The following STS variants were observed in gnomAD, a reference collection of about 807,000 sequenced individuals.
STS encodes steroid sulfatase, also known as steryl-sulfatase.
A neutral mutation model predicts 26.8 loss-of-function variants in STS; 7 were observed. The ratio of observed to expected loss-of-function variants is 0.26; its 90% CI spans 0.15 to 0.49. The LOEUF is 0.49. STS is among the 20% of genes least tolerant of loss of function. The pLI is 0.98. For missense variants in STS, 434 were observed against 465.6 expected (o/e 0.93, Z 0.63); for synonymous variants, 199 against 189.4 (o/e 1.05, Z -0.42).
At chrX:7,166,598 G>A (rs1470939772) in intron 1 of STS, among the ~76,000 whole-genome samples, 1 of 111,997 alleles carries the variant, frequency 8.9e-6, no homozygotes, top group Non-Finnish European at 1.9e-5. Flanking sequence ...ACTTCCAATT[G>A]CAAATTAGCT....
intron 2 of STS, among the ~76,000 whole-genome samples, chrX:7,215,087 G>A (rs922783635): frequency 5.3e-5 from 4 of 75,185 alleles, no homozygotes; most frequent in Non-Finnish European, 7.3e-5. Context: ...ATATGTATAC[G>A]TATATATGTG....
At chrX:7,241,961 TTC>T (rs1423250888) in intron 2 of STS, among the ~76,000 whole-genome samples, 1 of 111,288 alleles carries the variant, frequency 9.0e-6, no homozygotes, top group Non-Finnish European at 1.9e-5. Flanking sequence ...GGCTGGACAC[TTC>T]TCTCTTTTTC....
rs1441394121 is a variant in STS, at chrX:7,255,335, A to C, written c.138-1907A>C. On this transcript the variant is annotated intron_variant, in intron 3 of 10. Transcript: ENST00000674429. ...AAAATGTTTACAGATCACTTTATAC[A>C]TTTGTGATATAGATCTTATTAATTT... 3.6e-5 allele frequency among the ~76,000 whole-genome samples: 4 copies of C among 111,979 alleles called. No individual in the cohort carries two copies. The East Asian group carries it at 1.1e-3, about 31-fold the overall frequency.
intron 10 of STS, among the ~76,000 whole-genome samples, chrX:7,345,862 C>T (rs1180487703): frequency 8.9e-6 from 1 of 112,171 alleles, no homozygotes; most frequent in East Asian, 2.8e-4. Context: ...TATTTTAGTA[C>T]ATAACGAAAG....
chrX:7,191,696 C>T, intron 2 of STS, among the ~76,000 whole-genome samples: 1 of 109,465 alleles, frequency 9.1e-6, no homozygotes, highest in Admixed American at 9.6e-5. Flanking sequence ...TCTCTCCCCG[C>T]AGGAAGTGCT....
chrX:7,205,166 G>C (rs1480265719), intron 2 of STS, among the ~76,000 whole-genome samples: 1 of 112,351 alleles, frequency 8.9e-6, no homozygotes, highest in African/African-American at 3.2e-5. Flanking sequence ...ATCCATGCTA[G>C]CACAGGAAAG....
chrX:7,306,714 T>C (rs919720384), intron 8 of STS, among the ~76,000 whole-genome samples: 1 of 111,658 alleles, frequency 9.0e-6, no homozygotes, highest in Non-Finnish European at 1.9e-5. Context: ...CCAGGAATGT[T>C]TGCAAAGGAG....
chrX:7,249,946 TAGAG>T (rs1450790705), intron 2 of STS, among the ~76,000 whole-genome samples: 1 of 111,070 alleles, frequency 9.0e-6, no homozygotes, highest in Non-Finnish European at 1.9e-5. Context: ...GTTAATTAAT[TAGAG>T]AGAGTCTCAC....
intron 2 of STS, among the ~76,000 whole-genome samples, chrX:7,218,385 G>A (rs905545378): frequency 8.9e-6 from 1 of 112,367 alleles, no homozygotes; most frequent in Non-Finnish European, 1.9e-5. Context: ...AAGGAAATCT[G>A]AAAAGTTGGC....
intron 2 of STS, among the ~76,000 whole-genome samples, chrX:7,197,631 T>C (rs185978205): frequency 3.0e-4 from 34 of 112,516 alleles, no homozygotes; most frequent in South Asian, 2.6e-3. Flanking sequence ...GATATTATTA[T>C]ATTTAAAGCA....
At chrX:7,327,926 C>T (rs1179938355) in intron 9 of STS, among the ~76,000 whole-genome samples, 3 of 111,971 alleles carry the variant, frequency 2.7e-5, no homozygotes, top group African/African-American at 9.7e-5. Flanking sequence ...TCCTCTTCCA[C>T]ATTTAATATT....
chrX:7,279,160 C>T (rs912044585), intron 7 of STS, among the ~76,000 whole-genome samples: 9 of 107,521 alleles, frequency 8.4e-5, no homozygotes, highest in Admixed American at 2.0e-4. Context: ...AAAAATTAGC[C>T]GGGCATGGTG....
At chrX:7,319,270 C>T (rs1374820191) in intron 8 of STS, among the ~76,000 whole-genome samples, 3 of 110,773 alleles carry the variant, frequency 2.7e-5, no homozygotes, top group Non-Finnish European at 3.8e-5. Context: ...AGTCCTCCCC[C>T]CTGAGTAGCT....
chrX:7,247,376 G>A (rs985240960), intron 2 of STS, among the ~76,000 whole-genome samples: 2 of 111,641 alleles, frequency 1.8e-5, no homozygotes, highest in African/African-American at 6.5e-5. Flanking sequence ...GTAGTGTCAT[G>A]TGTGAAGGAA....
At position 7,325,196 on chromosome X, in the gene STS, T is replaced by C. The variant is rs185305324; in HGVS notation, c.1082-143T>C. Reference sequence around the variant, plus strand: ...TTTTTTCAATACAACATATACTATATTGCTCATGGAATACTCATAGATGGA... The same window carrying C: ...TTTTTTCAATACAACATATACTATACTGCTCATGGAATACTCATAGATGGA... On this transcript the variant is annotated intron_variant, in intron 8 of 10. Transcript: ENST00000674429. 1,858 of 607,230 alleles carry C rather than the reference T, an allele frequency of 3.1e-3. 10 individuals are homozygous for C. Among genetic ancestry groups the C allele is most frequent in the Admixed American group, 6.6e-3 (242 of 36,843 alleles). The allele number at this position is 607,230 out of a possible 1,213,427, so 50.0% of individuals were successfully genotyped here. A position where few individuals can be genotyped will look rare whatever the true frequency, so the allele number is the denominator to read the frequency against.
chrX:7,213,612 C>T (rs1399227211), intron 2 of STS, among the ~76,000 whole-genome samples: 1 of 111,387 alleles, frequency 9.0e-6, no homozygotes, highest in East Asian at 2.8e-4. Context: ...ATCAATAATC[C>T]TCATTATTTT....
At chrX:7,325,555 G>T (rs774267582) in intron 9 of STS, 57 bp downstream of exon 9, 5 of 1,177,976 alleles carry the variant, frequency 4.2e-6, no homozygotes, top group East Asian at 3.0e-5. Context: ...AGCCCAGTAT[G>T]CTCTGGTTTG....
chrX:7,169,924 A>G lies in STS; in HGVS notation c.-133-20956A>G, dbSNP rs192798133. On this transcript the variant is annotated intron_variant, in intron 1 of 10. Transcript: ENST00000674429. ...GGGCTGGGGGGTGGGTGCGGTTCCC[A>G]GAAACGGCACCACAGAGGGTGAGCT... 3.6e-3 allele frequency among the ~76,000 whole-genome samples: 392 copies of G among 110,256 alleles called. 2 individuals carry two copies. The highest frequency in any genetic ancestry group is 0.013 in the African/African-American group (382 of 30,279).
chrX:7,234,842 G>GT (rs779671044), intron 2 of STS, among the ~76,000 whole-genome samples: 2 of 111,469 alleles, frequency 1.8e-5, no homozygotes, highest in African/African-American at 3.3e-5. Flanking sequence ...TTCTAGACGT[G>GT]TTTTTTTTCT....
Sources: allele counts gnomAD v4.1 joint callset (sites outside exome capture counted in the v4.1 genomes callset), GRCh38; gene constraint gnomAD v4.1.1; transcripts MANE v1.5; gene names NCBI Gene and HGNC (gene_info 2026-07-23, HGNC 2026-07-21).